NISCH: variants seen among roughly 807,000 people sequenced by gnomAD.
The protein encoded by NISCH is nischarin.
A neutral mutation model predicts 138.4 loss-of-function variants in NISCH; 55 were observed. The observed-to-expected ratio is 0.40, with a 90% confidence interval of 0.32 to 0.50. The LOEUF (loss-of-function observed/expected upper bound fraction) is 0.50, where lower values mean the gene tolerates loss of function less well. Ranked by LOEUF, NISCH falls within the 20% of genes least tolerant of loss-of-function variation. The pLI, the probability that NISCH is intolerant of heterozygous loss-of-function variation, is 0.71. For synonymous variants in NISCH, 860 were observed against 861.5 expected, an observed-to-expected ratio of 1.00 and a Z score of 0.03; for missense variants, 1,643 against 2,005.5, an observed-to-expected ratio of 0.82 and a Z score of 3.45.
At chr3:52,456,362 A>G (rs575261984) in intron 1 of NISCH, among the ~76,000 whole-genome samples, 3 of 152,254 alleles carry the variant, frequency 2.0e-5, no homozygotes, top group East Asian at 3.9e-4. Context: ...CGCAGGCCCT[A>G]TAAGCCTTAG....
At chr3:52,480,059 A>G (rs539196326) in intron 12 of NISCH, 125 bp from the exon 13 acceptor site, 18 of 1,125,492 alleles carry the variant, frequency 1.6e-5, no homozygotes, top group Non-Finnish European at 2.3e-5. Context: ...TGCTCTAAGG[A>G]TATGATGAGA....
At chr3:52,477,895 C>T in intron 9 of NISCH, 1 of 650,384 alleles carries the variant, frequency 1.5e-6, no homozygotes, top group Non-Finnish European at 2.7e-6. Flanking sequence ...TTTTCAACGC[C>T]CACCCCAACT....
At chr3:52,484,678 G>T (rs1390910723) in intron 14 of NISCH, 41 bp downstream of exon 14, 1 of 1,610,562 alleles carries the variant, frequency 6.2e-7, no homozygotes, top group East Asian at 2.2e-5. Flanking sequence ...TACATCTGTG[G>T]GTGGACTCTT....
At chr3:52,461,991 G>T (rs1706648112) in intron 3 of NISCH, among the ~76,000 whole-genome samples, 1 of 152,180 alleles carries the variant, frequency 6.6e-6, no homozygotes, top group Non-Finnish European at 1.5e-5. Flanking sequence ...GAGGAGAGGA[G>T]GTCTCGCTGG....
chr3:52,478,367 TA>T, intron 10 of NISCH, 81 bp from the exon 11 acceptor site: 1 of 1,607,684 alleles, frequency 6.2e-7, no homozygotes, highest in Non-Finnish European at 8.5e-7. Context: ...TCCTTTCATT[TA>T]AAAGAGACCA....
intron 3 of NISCH, among the ~76,000 whole-genome samples, chr3:52,464,393 T>TA (rs1409750519): frequency 1.3e-5 from 2 of 150,864 alleles, no homozygotes; most frequent in African/African-American, 2.4e-5. Flanking sequence ...TAAGACTGTC[T>TA]AAAAAAACAA....
At chr3:52,467,390 T>C (rs1289507223) in intron 3 of NISCH, among the ~76,000 whole-genome samples, 1 of 152,190 alleles carries the variant, frequency 6.6e-6, no homozygotes, top group African/African-American at 2.4e-5. Flanking sequence ...GGGTAGGGCA[T>C]GTGGGCTCGG....
In NISCH at chr3:52,485,795, A is replaced by G; in HGVS notation, c.1671A>G (p.Leu557=). The change falls in exon 15 of 21, where the codon TTA becomes TTG. Residue 557 remains leucine, a synonymous_variant. Transcript: ENST00000345716. The part of the protein sequence containing the change: ...IPAGQAASDD[L]RDVPGAVGGA... ...TCCATCAGGCAGCTTCCGATGATTT[A>G]AGGGACGTGCCAGGAGCTGTTGGTG... 1 of 1,584,020 alleles carries G rather than the reference A, an allele frequency of 6.3e-7. No individual in the cohort carries two copies. Among genetic ancestry groups the G allele is most frequent in the South Asian group, 1.2e-5 (1 of 86,806 alleles).
At position 52,483,520 on chromosome 3, in the gene NISCH, A is replaced by G. The variant is rs7615208; in HGVS notation, c.1529-993A>G. 8.1e-3 allele frequency among the ~76,000 whole-genome samples: 1,227 copies of G among 152,358 alleles called. 27 individuals carry two copies. Among genetic ancestry groups the G allele is most frequent in the African/African-American group, 0.028 (1,177 of 41,582 alleles). On this transcript the variant is annotated intron_variant, in intron 13 of 20. Transcript: ENST00000345716. ...TAACAGGTCCAGATAGGCTACGTTC[A>G]TAAAACAGCTTCAGCGGGGTTTAGG...
At position 52,487,312 on chromosome 3, in the gene NISCH, G is replaced by A; in HGVS notation, c.1820G>A (p.Ser607Asn). Residue 607 changes from serine to asparagine, a missense_variant, in exon 16 of 21, where the codon AGC (serine) becomes AAC (asparagine). Physicochemically the swap from Ser to Asn is conservative, Grantham distance 46. Transcript: ENST00000345716. The surrounding 1 kb of genome is among the most constrained non-coding windows in gnomAD (Gnocchi z 9.1). ...AATCAGGACTTCATCCAGCGCCTGA[G>A]CACACTGATCCGGCAGGCCATCGAG... ...ATNQDFIQRL[S>N]TLIRQAIERQ... is the part of the protein sequence containing the mutation. 1.9e-6 allele frequency: 3 copies of A among 1,614,196 alleles called. No homozygotes were observed. The highest frequency in any genetic ancestry group is 2.5e-6 in the Non-Finnish European group (3 of 1,180,054).
rs376076428 is a variant in NISCH at position 52,485,742 on chromosome 3, G to A, written c.1654-36G>A. 9.2e-5 allele frequency: 143 copies of A among 1,560,978 alleles called. No individual in the cohort carries two copies. The Admixed American group carries it at 2.0e-3, about 22-fold the overall frequency. On this transcript the variant is annotated intron_variant, in intron 14 of 20. Coordinates refer to ENST00000345716, the MANE Select transcript of NISCH (RefSeq NM_007184.4). The stretch of plus-strand genomic sequence containing the variant: ...CAGTAAATGGCTGGGGCTGGCTGCA[G>A]TAGGTGGGGACTGACTGTGTTTCTT...
chr3:52,461,111 A>C (rs1194900796), intron 3 of NISCH, among the ~76,000 whole-genome samples: 1 of 152,160 alleles, frequency 6.6e-6, no homozygotes, highest in Non-Finnish European at 1.5e-5. Context: ...GTGGTGACTC[A>C]TGCCTGTAGT....
At position 52,489,534 on chromosome 3, in the gene NISCH, C is replaced by G; in HGVS notation, c.3312C>G (p.Ala1104=). The G allele has an allele frequency of 1.2e-6, 2 of 1,613,244 alleles. No individual in the cohort carries two copies. Among genetic ancestry groups the G allele is most frequent in the Non-Finnish European group, 1.7e-6 (2 of 1,179,992 alleles). ...APAPPPAEAP[A]QYPSEHLIQA... ...CCCCACCCCCAGCCGAGGCCCCTGC[C>G]CAGTACCCGAGTGAGCACCTCATCC... is the stretch of plus-strand genomic sequence containing the variant. The change falls in exon 17 of 21, where the codon GCC becomes GCG. Residue 1104 remains alanine (A), a synonymous_variant. Transcript: ENST00000345716.
In NISCH at chr3:52,457,968, G is replaced by A. The variant is rs199742694; in HGVS notation, c.177+42G>A. The stretch of plus-strand genomic sequence containing the variant: ...GGGAGCACGTATCTCAGGGCTGGGG[G>A]ACCCGTAGGCCAACTTTCCATTGTG... On this transcript the variant is annotated intron_variant, in intron 2 of 20. Coordinates refer to ENST00000345716, the MANE Select transcript of NISCH (RefSeq NM_007184.4). 3.0e-3 allele frequency: 4,477 copies of A among 1,485,230 alleles called. 15 individuals are homozygous for A. The highest frequency in any genetic ancestry group is 3.8e-3 in the Non-Finnish European group (4,017 of 1,065,218). The allele number at this position is 1,485,230 out of a possible 1,614,324, so 92.0% of individuals were successfully genotyped here. A position where few individuals can be genotyped will look rare whatever the true frequency, so the allele number is the denominator to read the frequency against.
At chr3:52,459,521 C>T (rs1364752410) in intron 3 of NISCH, among the ~76,000 whole-genome samples, 2 of 152,142 alleles carry the variant, frequency 1.3e-5, no homozygotes, top group Admixed American at 1.3e-4. Flanking sequence ...ACAACCTCCG[C>T]CTCTTGGGTT....
At position 52,473,753 on chromosome 3, in the gene NISCH, A is replaced by G. The variant is rs144172612; in HGVS notation, c.689A>G (p.Lys230Arg). The G allele has an allele frequency of 2.0e-4, 314 of 1,604,408 alleles. 1 individual carries two copies. The African/African-American group carries it at 3.9e-3, about 20-fold the overall frequency. ...HQVEISHCDA[K>R]HIRGLVASKP... Reference sequence around the variant, plus strand: ...TTCCAGATAAGTCACTGTGATGCTAAGCACATCAGAGGGCTGGTCGCATCG... The same window carrying G: ...TTCCAGATAAGTCACTGTGATGCTAGGCACATCAGAGGGCTGGTCGCATCG... The change falls in exon 7 of 21, where the codon AAG (lysine) becomes AGG (arginine). Residue 230 changes from lysine to arginine, a missense_variant. Transcript: ENST00000345716.
intron 6 of NISCH, among the ~76,000 whole-genome samples, chr3:52,472,691 G>A (rs759104199): frequency 2.4e-4 from 37 of 152,192 alleles, no homozygotes; most frequent in Non-Finnish European, 2.1e-4. Context: ...GGGGGCATGT[G>A]TACCTCAAGT....
intron 7 of NISCH, among the ~76,000 whole-genome samples, chr3:52,474,562 C>T (rs1035352290): frequency 2.6e-5 from 4 of 152,138 alleles, no homozygotes; most frequent in African/African-American, 7.2e-5. Context: ...TCCCAAAGTG[C>T]TGGGATTACA....
At chr3:52,480,112 C>T (rs761059275) in intron 12 of NISCH, 72 bp from the exon 13 acceptor site, 15 of 1,569,086 alleles carry the variant, frequency 9.6e-6, no homozygotes, top group Non-Finnish European at 1.3e-5. Flanking sequence ...GCGCTCCCTC[C>T]TCACACCCCT....
Sources: gnomAD v4.1 joint callset for allele counts (sites outside exome capture counted in the v4.1 genomes callset) on GRCh38, gnomAD v4.1.1 for gene constraint, Gnocchi (gnomAD v3.1) non-coding constraint, MANE v1.5 for transcripts, NCBI Gene and HGNC (gene_info 2026-07-23, HGNC 2026-07-21) for gene names.